Variants in LRCH3 observed in about 807,000 individuals in gnomAD.
The protein encoded by LRCH3 is DISP complex protein LRCH3.
LRCH3 carries 68 observed loss-of-function variants against 104.5 expected under a neutral mutation model. The observed-to-expected ratio is 0.65, with a 90% CI of 0.54 to 0.80. The LOEUF is 0.80. Among genes scored for constraint, LRCH3 ranks in the 30% least tolerant of loss-of-function variants. LRCH3 has a pLI of 0.00. For synonymous variants in LRCH3, 344 were observed against 361.3 expected (o/e 0.95, Z 0.54); for missense variants, 951 against 953.9 (o/e 1.00, Z 0.04).
intron 10 of LRCH3, 117 bp from the exon 11 acceptor site, chr3:197,847,292 G>A (rs1738874985): frequency 1.1e-6 from 1 of 917,244 alleles, no homozygotes; most frequent in Non-Finnish European, 1.6e-6. Context: ...TAACTAGGCA[G>A]TTTGCTACTG....
intron 8 of LRCH3, among the ~76,000 whole-genome samples, chr3:197,835,261 G>A (rs557241768): frequency 4.6e-5 from 7 of 151,836 alleles, no homozygotes; most frequent in South Asian, 2.1e-4. Context: ...TTGGCTCACC[G>A]TAACTTCTGT....
chr3:197,805,911 AT>A (rs1278160130), intron 1 of LRCH3, among the ~76,000 whole-genome samples: 2 of 151,924 alleles, frequency 1.3e-5, no homozygotes, highest in Non-Finnish European at 2.9e-5. Context: ...TTTCAATGTT[AT>A]GGGTTTTTTT....
chr3:197,801,169 G>A (rs1325586497), intron 1 of LRCH3, among the ~76,000 whole-genome samples: 1 of 151,404 alleles, frequency 6.6e-6, no homozygotes, highest in South Asian at 2.1e-4. Flanking sequence ...ACATAATGTC[G>A]AGAAAGTGAA....
Position 197,850,351 on chromosome 3 carries a change from C to CTTTTT in LRCH3, c.1531-2197_1531-2193dup. 4.8e-6 allele frequency: 3 copies of CTTTTT among 618,704 alleles called. No homozygotes were observed. In the South Asian group the frequency reaches 6.2e-5, roughly 13 times the overall value. 38.3% of individuals were successfully genotyped at this position (618,704 alleles called of 1,614,324 possible). A position where few individuals can be genotyped will look rare whatever the true frequency, so the allele number is the denominator to read the frequency against. On this transcript the variant is annotated intron_variant, in intron 12 of 20. Transcript: ENST00000425562. ...CAACTCTCTTTAGGTACCATTTTTTCTTTTTTTTTTTTTTTTTCCTTTTAA... is the reference window on the plus strand; with the variant it reads ...CAACTCTCTTTAGGTACCATTTTTTCTTTTTTTTTTTTTTTTTTTTTTCCTTTTAA...
chr3:197,850,413 G>T, intron 12 of LRCH3: 2 of 1,311,874 alleles, frequency 1.5e-6, no homozygotes, highest in Admixed American at 3.7e-5. Context: ...CTCCCGTGCC[G>T]TAAGTTTTTG....
chr3:197,864,880 G>C (rs1205055070), intron 15 of LRCH3, among the ~76,000 whole-genome samples: 1 of 151,718 alleles, frequency 6.6e-6, no homozygotes, highest in Non-Finnish European at 1.5e-5. Flanking sequence ...AATTAACTGG[G>C]CATGGTGATG....
chr3:197,800,003 A>T (rs1731686707), intron 1 of LRCH3, among the ~76,000 whole-genome samples: 1 of 151,546 alleles, frequency 6.6e-6, no homozygotes, highest in African/African-American at 2.4e-5. Context: ...ATGATGGTGA[A>T]ACCCTGTCTC....
intron 10 of LRCH3, among the ~76,000 whole-genome samples, chr3:197,839,887 C>T (rs569908601): frequency 1.7e-4 from 25 of 151,238 alleles, no homozygotes; most frequent in African/African-American, 4.4e-4. Flanking sequence ...GTGGGAGGAT[C>T]GCTCGAACTG....
chr3:197,815,064 G>T lies in LRCH3; in HGVS notation c.407+12G>T, dbSNP rs1197084216. On this transcript the variant is annotated intron_variant, in intron 2 of 20. Transcript: ENST00000425562. Reference sequence around the variant, plus strand: ...TTCTTAAATATTAGGTAAGAATATTGTTTTCTTATTTTAAATTTTTGGTTT... The same window carrying T: ...TTCTTAAATATTAGGTAAGAATATTTTTTTCTTATTTTAAATTTTTGGTTT... The T allele has an allele frequency of 2.1e-6, 3 of 1,409,712 alleles. No homozygotes were observed. Among genetic ancestry groups the T allele is most frequent in the Non-Finnish European group, 1.9e-6 (2 of 1,043,550 alleles). The allele number at this position is 1,409,712 out of a possible 1,614,324, so 87.3% of individuals were successfully genotyped here.
At chr3:197,797,086 G>GT (rs1021840140) in intron 1 of LRCH3, among the ~76,000 whole-genome samples, 9 of 151,014 alleles carry the variant, frequency 6.0e-5, no homozygotes, top group African/African-American at 2.2e-4. Context: ...GCAGCACTTT[G>GT]GGGGGCCGAG....
At chr3:197,821,815 C>T (rs2109224605) in intron 4 of LRCH3, among the ~76,000 whole-genome samples, 1 of 152,288 alleles carries the variant, frequency 6.6e-6, no homozygotes, top group Non-Finnish European at 1.5e-5. Context: ...GCTTAGACTA[C>T]AGGCACTTGC....
At chr3:197,882,773 CAG>C in intron 20 of LRCH3, 1 of 985,278 alleles carries the variant, frequency 1.0e-6, no homozygotes, top group Non-Finnish European at 1.2e-6. Flanking sequence ...CTCAAGCAAA[CAG>C]TGTCAACACT....
chr3:197,806,829 G>C (rs1225504486), intron 1 of LRCH3, among the ~76,000 whole-genome samples: 1 of 151,500 alleles, frequency 6.6e-6, no homozygotes, highest in Non-Finnish European at 1.5e-5. Context: ...TGGGATTACA[G>C]GTGTGAGCCA....
At chr3:197,824,085 G>C (rs866064249) in intron 4 of LRCH3, among the ~76,000 whole-genome samples, 1 of 148,744 alleles carries the variant, frequency 6.7e-6, no homozygotes, top group African/African-American at 2.5e-5. Context: ...TTTTTTTTGA[G>C]ACAGAGTCTT....
intron 10 of LRCH3, among the ~76,000 whole-genome samples, chr3:197,840,184 T>C (rs1737585360): frequency 6.6e-6 from 1 of 152,150 alleles, no homozygotes; most frequent in Non-Finnish European, 1.5e-5. Flanking sequence ...ATATCTGTAA[T>C]GCCAGCACTT....
chr3:197,824,811 T>C lies in LRCH3; in HGVS notation c.641-2067T>C, dbSNP rs150081460. The stretch of plus-strand genomic sequence containing the variant: ...GGTCTTGAACTTCTGACCTCGTGAT[T>C]CACCCGCCTTGGCCTCCCAAAGTGC... On this transcript the variant is annotated intron_variant, in intron 4 of 20. Coordinates refer to ENST00000425562, the MANE Select transcript of LRCH3 (RefSeq NM_001365715.1). Among the ~76,000 whole-genome samples, 1,354 of 146,594 alleles carry C rather than the reference T, an allele frequency of 9.2e-3. 49 individuals carry two copies. Among genetic ancestry groups the C allele is most frequent in the East Asian group, 0.063 (292 of 4,638 alleles).
At chr3:197,791,630 C>T in intron 1 of LRCH3, 90 bp downstream of exon 1, 3 of 1,388,224 alleles carry the variant, frequency 2.2e-6, no homozygotes, top group Admixed American at 6.4e-5. Flanking sequence ...GGAGTTACAG[C>T]AGCTCGTCCC....
chr3:197,880,158 G>T (rs959964796), intron 20 of LRCH3, among the ~76,000 whole-genome samples: 9 of 151,574 alleles, frequency 5.9e-5, no homozygotes, highest in African/African-American at 1.9e-4. Context: ...TGTTAGCCGG[G>T]ATGGTCTCGA....
intron 1 of LRCH3, among the ~76,000 whole-genome samples, chr3:197,796,708 C>T (rs1731244342): frequency 6.6e-6 from 1 of 152,108 alleles, no homozygotes; most frequent in Non-Finnish European, 1.5e-5. Context: ...AATTGAGGCT[C>T]AGGAGATTAA....
Sources: gnomAD v4.1 joint callset for allele counts (sites outside exome capture counted in the v4.1 genomes callset) on GRCh38, gnomAD v4.1.1 for gene constraint, MANE v1.5 for transcripts, NCBI Gene and HGNC (gene_info 2026-07-23, HGNC 2026-07-21) for gene names.